The following CEP43 variants were observed in gnomAD, a reference collection of about 807,000 sequenced individuals.
The protein encoded by CEP43 is centrosomal protein 43.
CEP43 carries 36 observed loss-of-function variants against 52.6 expected under a neutral mutation model. The observed-to-expected ratio is 0.68, with a 90% CI of 0.52 to 0.90. CEP43 has a LOEUF of 0.90. CEP43 is among the 40% of genes least tolerant of loss of function. The pLI is 0.00. For missense variants in CEP43, 506 were observed against 472.8 expected, an observed-to-expected ratio of 1.07 and a Z score of -0.65; for synonymous variants, 192 against 172.4, an observed-to-expected ratio of 1.11 and a Z score of -0.89.
chr6:167,019,336 T>C (rs527546266), intron 7 of CEP43, among the ~76,000 whole-genome samples: 1 of 151,992 alleles, frequency 6.6e-6, no homozygotes, highest in Admixed American at 6.6e-5. Flanking sequence ...ACCTGCTGTG[T>C]ACATGGAGGA....
At position 167,041,844 on chromosome 6, in the gene CEP43, G is replaced by GGGGGCC; in HGVS notation, c.*1866_*1867insGGGGCC. 6.9e-6 allele frequency: 1 copy of GGGGGCC among 144,924 alleles called. No homozygotes were observed. The highest frequency in any genetic ancestry group is 1.2e-5 in the Non-Finnish European group (1 of 80,394). 9.0% of individuals were successfully genotyped at this position (144,924 alleles called of 1,614,324 possible). The stretch of plus-strand genomic sequence containing the variant: ...TCTTTTTTTTGCGGGGGGCGGGGGG[G>GGGGGCC]ACAGAGTCTCACTGTGTCACTCAGA... On this transcript the variant is annotated 3_prime_UTR_variant, in exon 13 of 13. Transcript: ENST00000366847.
intron 2 of CEP43, among the ~76,000 whole-genome samples, chr6:167,002,349 C>A (rs1424399007): frequency 6.6e-6 from 1 of 152,040 alleles, no homozygotes; most frequent in Non-Finnish European, 1.5e-5. Flanking sequence ...ATACATTGTA[C>A]AGATATGACA....
chr6:167,047,135 G>T lies in CEP43; in HGVS notation c.*7157G>T, dbSNP rs1305991484. The T allele has an allele frequency of 1.3e-5, 2 of 152,282 alleles. No individual in the cohort carries two copies. Among genetic ancestry groups the T allele is most frequent in the Non-Finnish European group, 2.9e-5 (2 of 68,122 alleles). The allele number at this position is 152,282 out of a possible 1,614,324, so 9.4% of individuals were successfully genotyped here. A position where few individuals can be genotyped will look rare whatever the true frequency, so the allele number is the denominator to read the frequency against. On this transcript the variant is annotated 3_prime_UTR_variant, in exon 13 of 13. Coordinates refer to ENST00000366847, the MANE Select transcript of CEP43 (RefSeq NM_007045.4). ...GTGAGCAAACCTTCTTCAGAGAGGG[G>T]ATGTTCAATGCGAAATTTGAACATT...
In CEP43 at chr6:167,041,302, TA is replaced by T; in HGVS notation, c.*1326del. Reference sequence around the variant, plus strand: ...TGAAAATGTAAGGATTAAGGCTGTGTAACAGAATCTGGCTTTTTAAAATTTA... The same window carrying T: ...TGAAAATGTAAGGATTAAGGCTGTGTACAGAATCTGGCTTTTTAAAATTTA... On this transcript the variant is annotated 3_prime_UTR_variant, in exon 13 of 13. Transcript: ENST00000366847. 1 of 1,052,790 alleles carries T rather than the reference TA, an allele frequency of 9.5e-7. No individual in the cohort carries two copies. The highest frequency in any genetic ancestry group is 1.1e-6 in the Non-Finnish European group (1 of 871,388). The allele number at this position is 1,052,790 out of a possible 1,614,324, so 65.2% of individuals were successfully genotyped here. A position where few individuals can be genotyped will look rare whatever the true frequency, so the allele number is the denominator to read the frequency against.
intron 9 of CEP43, among the ~76,000 whole-genome samples, chr6:167,025,902 C>T (rs1277483678): frequency 1.3e-5 from 2 of 152,078 alleles, no homozygotes; most frequent in African/African-American, 4.8e-5. Context: ...ATAGCAGTTG[C>T]ACTGAAGAAA....
chr6:167,000,520 AAGAC>A (rs575514802), intron 2 of CEP43, among the ~76,000 whole-genome samples: 170 of 152,334 alleles, frequency 1.1e-3, no homozygotes, highest in African/African-American at 4.0e-3. Flanking sequence ...GACAATGAAA[AAGAC>A]AGCGATTATT....
At chr6:167,022,327 T>A in intron 7 of CEP43, 82 bp from the exon 8 acceptor site, 1 of 950,934 alleles carries the variant, frequency 1.1e-6, no homozygotes, top group Non-Finnish European at 1.6e-6. Context: ...TTGATTATGC[T>A]CATGAGACTT....
chr6:167,005,548 A>T (rs1779832309), intron 5 of CEP43, among the ~76,000 whole-genome samples: 1 of 152,246 alleles, frequency 6.6e-6, no homozygotes, highest in South Asian at 2.1e-4. Context: ...GAACGGTGCC[A>T]GCCAAGCGTG....
At chr6:167,030,992 C>T (rs1405162966) in intron 10 of CEP43, among the ~76,000 whole-genome samples, 1 of 152,146 alleles carries the variant, frequency 6.6e-6, no homozygotes, top group African/African-American at 2.4e-5. Context: ...CCCATTCTGT[C>T]CCCCAAATTC....
Position 167,010,828 on chromosome 6 carries a change from T to C in CEP43, c.454T>C (p.Ser152Pro). 1 of 1,578,150 alleles carries C rather than the reference T, an allele frequency of 6.3e-7. No individual in the cohort carries two copies. The highest frequency in any genetic ancestry group is 8.6e-7 in the Non-Finnish European group (1 of 1,161,898). ...PTTGEGALDLSDVHSPPKSPE... is the reference protein window; with the variant it reads ...PTTGEGALDLPDVHSPPKSPE... ...AATATTTTAGGGTGCACTTGATCTA[T>C]CTGATGTACATTCTCCACCAAAGTC... The change falls in exon 6 of 13, where the codon TCT (serine) becomes CCT (proline). Residue 152 changes from serine (S) to proline (P), a missense_variant. Physicochemically the swap from Ser to Pro is moderately conservative, Grantham distance 74. Coordinates refer to ENST00000366847, the MANE Select transcript of CEP43 (RefSeq NM_007045.4).
rs906316449 is a variant in CEP43, at chr6:167,002,270, C to T, written c.157-923C>T. ...ATAGTAGGTACTCTTTTTTTTTGGT[C>T]TGTTTCTTCAACATAATGCATTTGA... On this transcript the variant is annotated intron_variant, in intron 2 of 12. Coordinates refer to ENST00000366847, the MANE Select transcript of CEP43 (RefSeq NM_007045.4). Among the ~76,000 whole-genome samples the T allele has an allele frequency of 4.1e-4, 62 of 151,158 alleles. 1 individual carries two copies. The highest frequency in any genetic ancestry group is 1.3e-3 in the African/African-American group (54 of 41,146).
chr6:167,037,006 A>G (rs972825830), intron 12 of CEP43, among the ~76,000 whole-genome samples: 2 of 152,014 alleles, frequency 1.3e-5, no homozygotes, highest in African/African-American at 4.8e-5. Context: ...GGTTTCACCT[A>G]TGTTAGCCAG....
intron 7 of CEP43, 58 bp from the exon 8 acceptor site, chr6:167,022,351 A>G: frequency 8.0e-7 from 1 of 1,243,994 alleles, no homozygotes; most frequent in East Asian, 2.4e-5. Flanking sequence ...TTATTATTGA[A>G]AATATCTTAA....
chr6:167,033,459 T>A (rs562182049), intron 11 of CEP43, among the ~76,000 whole-genome samples: 1 of 152,204 alleles, frequency 6.6e-6, no homozygotes, highest in East Asian at 1.9e-4. Context: ...AAGTAATATT[T>A]GTTGTGGATA....
At chr6:167,006,974 T>C (rs924790346) in intron 5 of CEP43, among the ~76,000 whole-genome samples, 1 of 152,222 alleles carries the variant, frequency 6.6e-6, no homozygotes, top group Non-Finnish European at 1.5e-5. Flanking sequence ...AAATCCCACC[T>C]TACTCCCCGC....
Position 167,042,509 on chromosome 6 carries a change from T to G in CEP43, c.*2531T>G, listed in dbSNP as rs1780720913. ...TCCCTGCCTCATGCTTGCCCACAGC[T>G]CTTCCTCCCCTCCTTACTTCCCTCT... On this transcript the variant is annotated 3_prime_UTR_variant, in exon 13 of 13. Coordinates refer to ENST00000366847, the MANE Select transcript of CEP43 (RefSeq NM_007045.4). 1 of 309,842 alleles carries G rather than the reference T, an allele frequency of 3.2e-6. No individual in the cohort carries two copies. Among genetic ancestry groups the G allele is most frequent in the African/African-American group, 2.3e-5 (1 of 44,290 alleles). 19.2% of individuals were successfully genotyped at this position (309,842 alleles called of 1,614,324 possible).
Position 167,022,421 on chromosome 6 carries a change from G to C in CEP43, c.592G>C (p.Glu198Gln), listed in dbSNP as rs1318456464. ...CCTCTCTTTCTAGAAGGCCAATGAT[G>C]AGGCCAATCAGAGTGATACAAGTGT... The part of the protein sequence containing the change: ...QKAGDKKAND[E>Q]ANQSDTSVSL... Residue 198 changes from glutamate to glutamine, a missense_variant, in exon 8 of 13, where the codon GAG becomes CAG. By Grantham distance (29) the Glu-to-Gln change is conservative (BLOSUM62 2). Coordinates refer to ENST00000366847, the MANE Select transcript of CEP43 (RefSeq NM_007045.4). 6.2e-7 allele frequency: 1 copy of C among 1,612,624 alleles called. No homozygotes were observed. The highest frequency in any genetic ancestry group is 8.5e-7 in the Non-Finnish European group (1 of 1,178,898).
At position 167,013,526 on chromosome 6, in the gene CEP43, C is replaced by T; in HGVS notation, c.538C>T (p.Gln180Ter). The change falls in exon 7 of 13, where the codon CAA becomes TAA. Residue 180 changes from glutamine to a stop codon, truncating the protein, a stop_gained. Transcript: ENST00000366847. LOFTEE classifies it high-confidence loss of function. ...TGCTCAGATACCAAGGTATAAAGGA[C>T]AAGGTAAGAAGAAGACAAGCGGGCA... ...TPSKIPRYKGQGKKKTSGQKA... is the reference protein window; with the variant it reads ...TPSKIPRYKG The T allele has an allele frequency of 1.2e-6, 2 of 1,613,362 alleles. No individual in the cohort carries two copies. Among genetic ancestry groups the T allele is most frequent in the Non-Finnish European group, 8.5e-7 (1 of 1,179,546 alleles).
At chr6:167,032,517 TAA>T in intron 10 of CEP43, 84 bp from the exon 11 acceptor site, 1 of 1,244,396 alleles carries the variant, frequency 8.0e-7, no homozygotes, top group East Asian at 2.5e-5. Flanking sequence ...GCAATATAAT[TAA>T]TTTTTTTTAA....
Sources: allele counts gnomAD v4.1 joint callset (sites outside exome capture counted in the v4.1 genomes callset), GRCh38; gene constraint gnomAD v4.1.1; transcripts MANE v1.5; gene names NCBI Gene and HGNC (gene_info 2026-07-23, HGNC 2026-07-21).